Variants in PDILT observed in about 807,000 individuals in gnomAD.
PDILT encodes the protein protein disulfide-isomerase-like protein of the testis.
Under a neutral mutation model 53.7 loss-of-function variants are expected in PDILT, and 43 were observed. That is an observed-to-expected ratio of 0.80 (90% CI 0.63 to 1.03). The LOEUF (loss-of-function observed/expected upper bound fraction) is 1.03, where lower values mean the gene tolerates loss of function less well. Among genes scored for constraint, PDILT ranks in the 50% least tolerant of loss-of-function variants. The pLI, the probability that PDILT is intolerant of heterozygous loss-of-function variation, is 0.00. For missense variants in PDILT, 727 were observed against 712.3 expected (o/e 1.02, Z -0.24); for synonymous variants, 282 against 274.2 (o/e 1.03, Z -0.28).
intron 3 of PDILT, among the ~76,000 whole-genome samples, chr16:20,378,555 C>T (rs1966418410): frequency 6.6e-6 from 1 of 152,142 alleles, no homozygotes; most frequent in Non-Finnish European, 1.5e-5. Context: ...AACCCATCAC[C>T]TAGGCTTTAA....
chr16:20,359,292 G>C lies in PDILT; in HGVS notation c.*27C>G, dbSNP rs1334682600. The stretch of plus-strand genomic sequence containing the variant: ...AATGATGCCAGGATCTGGAAAATAA[G>C]CATCTTTTTTCCTGGTATTGGAGAA... On this transcript the variant is annotated 3_prime_UTR_variant, in exon 12 of 12. Coordinates refer to ENST00000302451, the MANE Select transcript of PDILT (RefSeq NM_174924.2). 1.9e-6 allele frequency: 3 copies of C among 1,605,942 alleles called. No individual in the cohort carries two copies. The highest frequency in any genetic ancestry group is 1.7e-4 in the Middle Eastern group (1 of 6,006).
chr16:20,373,728 G>A (rs1272826062), intron 5 of PDILT, among the ~76,000 whole-genome samples: 3 of 151,790 alleles, frequency 2.0e-5, no homozygotes, highest in African/African-American at 4.8e-5. Context: ...CAAACACTGA[G>A]CTGTAACCAA....
At chr16:20,363,053 C>CAG (rs555841685) in intron 9 of PDILT, among the ~76,000 whole-genome samples, 1 of 100,096 alleles carries the variant, frequency 1.0e-5, no homozygotes, top group African/African-American at 4.0e-5. Context: ...GTCTGGGTGA[C>CAG]AGAGAGAGAC....
At chr16:20,403,869 G>A (rs1966779116) in intron 1 of PDILT, among the ~76,000 whole-genome samples, 1 of 151,912 alleles carries the variant, frequency 6.6e-6, no homozygotes, top group Non-Finnish European at 1.5e-5. Context: ...GCCTCTGTCT[G>A]GGGCACCCTT....
At chr16:20,399,990 G>A (rs1247424071) in intron 1 of PDILT, among the ~76,000 whole-genome samples, 2 of 151,494 alleles carry the variant, frequency 1.3e-5, no homozygotes, top group Admixed American at 1.3e-4. Context: ...AAATATCTAT[G>A]TAAACATACC....
chr16:20,360,733 AC>A, intron 10 of PDILT, 76 bp from the exon 11 acceptor site: 2 of 1,103,544 alleles, frequency 1.8e-6, no homozygotes, highest in South Asian at 1.3e-5. Context: ...ACCTAGGTAA[AC>A]CCAGGGTCAA....
chr16:20,377,780 C>T (rs1966407242), intron 3 of PDILT, among the ~76,000 whole-genome samples: 1 of 151,992 alleles, frequency 6.6e-6, no homozygotes. Context: ...CAGTGAAACC[C>T]CATCTCTACT....
intron 1 of PDILT, among the ~76,000 whole-genome samples, chr16:20,400,860 A>G (rs1448789571): frequency 6.6e-6 from 1 of 152,228 alleles, no homozygotes; most frequent in Non-Finnish European, 1.5e-5. Flanking sequence ...CTATGATCAT[A>G]CTTAATGAAA....
At chr16:20,401,177 T>C (rs1476469194) in intron 1 of PDILT, among the ~76,000 whole-genome samples, 1 of 152,342 alleles carries the variant, frequency 6.6e-6, no homozygotes, top group Non-Finnish European at 1.5e-5. Flanking sequence ...AAAGGGCTCA[T>C]TACTGTCAGC....
intron 3 of PDILT, 77 bp downstream of exon 3, chr16:20,384,568 C>T: frequency 6.4e-7 from 1 of 1,557,832 alleles, no homozygotes; most frequent in Non-Finnish European, 8.8e-7. Context: ...TGGAGCAGAG[C>T]CTCCCACCTT....
At chr16:20,389,020 T>C (rs1966574231) in intron 2 of PDILT, 1 of 152,208 alleles carries the variant, frequency 6.6e-6, no homozygotes, top group South Asian at 2.1e-4. Context: ...TCTCAGCATT[T>C]ACATTCTGCC....
chr16:20,400,169 C>A (rs1335894463), intron 1 of PDILT, among the ~76,000 whole-genome samples: 5 of 151,796 alleles, frequency 3.3e-5, no homozygotes, highest in African/African-American at 1.2e-4. Context: ...TCCAGAGGCT[C>A]ACCCTAGTGA....
intron 2 of PDILT, among the ~76,000 whole-genome samples, chr16:20,394,197 C>T (rs1433490010): frequency 6.6e-6 from 1 of 152,110 alleles, no homozygotes; most frequent in Non-Finnish European, 1.5e-5. Flanking sequence ...AAACAGCTGT[C>T]CCTTGAAAGT....
intron 2 of PDILT, among the ~76,000 whole-genome samples, 156 bp downstream of exon 2, chr16:20,398,943 G>T (rs1966694626): frequency 6.6e-6 from 1 of 152,194 alleles, no homozygotes; most frequent in Non-Finnish European, 1.5e-5. Context: ...CTCATCTGGA[G>T]ATTGGAGATG....
intron 2 of PDILT, among the ~76,000 whole-genome samples, chr16:20,396,174 T>C (rs575310539): frequency 1.3e-5 from 2 of 152,356 alleles, no homozygotes; most frequent in East Asian, 3.9e-4. Flanking sequence ...TTAATCCCTA[T>C]AATGACTATA....
intron 1 of PDILT, among the ~76,000 whole-genome samples, chr16:20,399,561 C>CA (rs1966704568): frequency 6.6e-6 from 1 of 152,140 alleles, no homozygotes; most frequent in Non-Finnish European, 1.5e-5. Flanking sequence ...GATGCTGAAG[C>CA]AAACGCAGAC....
In PDILT at chr16:20,362,520, A is replaced by G. The variant is rs987530983; in HGVS notation, c.1300T>C (p.Tyr434His). The G allele has an allele frequency of 6.2e-7, 1 of 1,614,040 alleles. No homozygotes were observed. Among genetic ancestry groups the G allele is most frequent in the Non-Finnish European group, 8.5e-7 (1 of 1,180,006 alleles). The change falls in exon 10 of 12, where the codon TAT (tyrosine) becomes CAT (histidine). Residue 434 changes from tyrosine to histidine, a missense_variant. By Grantham distance (83) the Tyr-to-His change is moderately conservative. Coordinates refer to ENST00000302451, the MANE Select transcript of PDILT (RefSeq NM_174924.2). ...FPLLEELGRK[Y>H]QNHSTIIIAK... ...ATGATAATTGTGGAGTGGTTTTGATATTTTCTGCCCAATTCCTCCAACAGT... is the reference window on the plus strand; with the variant it reads ...ATGATAATTGTGGAGTGGTTTTGATGTTTTCTGCCCAATTCCTCCAACAGT...
At position 20,362,468 on chromosome 16, in the gene PDILT, T is replaced by A. The variant is rs746889157; in HGVS notation, c.1352A>T (p.Asp451Val). 37 of 1,614,222 alleles carry A rather than the reference T, an allele frequency of 2.3e-5. No individual in the cohort carries two copies. Among genetic ancestry groups the A allele is most frequent in the Non-Finnish European group, 3.1e-5 (37 of 1,180,040 alleles). ...CCGGTCCAGGTACATCAGCTGAATG[T>A]CATTTGCTGTGACATCGATCTTGGC... is the stretch of plus-strand genomic sequence containing the variant. ...IIAKIDVTANDIQLMYLDRYP... is the reference protein window; with the variant it reads ...IIAKIDVTANVIQLMYLDRYP... The change falls in exon 10 of 12, where the codon GAC becomes GTC. Residue 451 changes from aspartate (D) to valine (V), a missense_variant. By Grantham distance (152) the Asp-to-Val change is radical. Transcript: ENST00000302451.
chr16:20,371,481 A>T (rs1966305296), intron 7 of PDILT, among the ~76,000 whole-genome samples: 1 of 152,158 alleles, frequency 6.6e-6, no homozygotes, highest in African/African-American at 2.4e-5. Context: ...TATTAAAACC[A>T]TCCTTGTGTA....
Sources: allele counts gnomAD v4.1 joint callset (sites outside exome capture counted in the v4.1 genomes callset), GRCh38; gene constraint gnomAD v4.1.1; transcripts MANE v1.5; gene names NCBI Gene and HGNC (gene_info 2026-07-23, HGNC 2026-07-21).